Variants in TOX observed in about 807,000 individuals in gnomAD.
TOX encodes the protein thymocyte selection associated high mobility group box.
Under a neutral mutation model 53.7 loss-of-function variants are expected in TOX, and 11 were observed. The observed-to-expected ratio is 0.20, with a 90% CI of 0.13 to 0.34. The LOEUF is 0.34. TOX is among the 10% of genes least tolerant of loss of function. The pLI is 1.00. For missense variants in TOX, 570 were observed against 664.6 expected (o/e 0.86, Z 1.56); for synonymous variants, 225 against 245.3 (o/e 0.92, Z 0.77).
At chr8:59,100,629 G>A (rs533292221) in intron 1 of TOX, among the ~76,000 whole-genome samples, 1 of 152,288 alleles carries the variant, frequency 6.6e-6, no homozygotes, top group Admixed American at 6.5e-5. Context: ...GACTCTCACA[G>A]AATAAGTAGA....
chr8:58,948,496 A>G (rs192480006), intron 2 of TOX, among the ~76,000 whole-genome samples: 1 of 152,196 alleles, frequency 6.6e-6, no homozygotes, highest in African/African-American at 2.4e-5. Flanking sequence ...GGCTAAAAAA[A>G]TCCCCAAGCT....
intron 2 of TOX, among the ~76,000 whole-genome samples, chr8:58,947,279 G>GA (rs1266747305): frequency 6.6e-6 from 1 of 152,032 alleles, no homozygotes. Flanking sequence ...CTCTCATAAA[G>GA]AATTTGATGG....
intron 2 of TOX, among the ~76,000 whole-genome samples, chr8:58,959,595 G>T (rs1008489013): frequency 6.6e-6 from 1 of 152,154 alleles, no homozygotes; most frequent in Non-Finnish European, 1.5e-5. Context: ...TTTGTGACAC[G>T]TGTAGCTTAT....
At chr8:59,086,079 G>A (rs1361810550) in intron 1 of TOX, among the ~76,000 whole-genome samples, 1 of 150,100 alleles carries the variant, frequency 6.7e-6, no homozygotes, top group Non-Finnish European at 1.5e-5. Context: ...TCCGCCTGTG[G>A]GGTTCAAGTG....
chr8:59,079,268 C>A (rs1031991164), intron 1 of TOX, among the ~76,000 whole-genome samples: 3 of 152,110 alleles, frequency 2.0e-5, no homozygotes, highest in Non-Finnish European at 4.4e-5. Flanking sequence ...GCAAATATAG[C>A]AAAATTGGCA....
At chr8:58,854,570 A>G (rs749720303) in intron 3 of TOX, among the ~76,000 whole-genome samples, 17 of 152,078 alleles carry the variant, frequency 1.1e-4, no homozygotes, top group Non-Finnish European at 2.1e-4. Flanking sequence ...TAAAGTATCA[A>G]TCTGGGTAAG....
At chr8:59,059,714 G>A (rs1331549334) in intron 1 of TOX, among the ~76,000 whole-genome samples, 1 of 152,184 alleles carries the variant, frequency 6.6e-6, no homozygotes, top group Non-Finnish European at 1.5e-5. Context: ...CAAACAGTTA[G>A]TAAAATTATT....
At chr8:58,912,277 TGACA>T (rs752057254) in intron 3 of TOX, among the ~76,000 whole-genome samples, 7 of 152,242 alleles carry the variant, frequency 4.6e-5, no homozygotes, top group Non-Finnish European at 8.8e-5. Flanking sequence ...TTTTGCCCTC[TGACA>T]GGCATAAGGA....
intron 1 of TOX, among the ~76,000 whole-genome samples, chr8:59,047,389 T>C (rs1803710008): frequency 6.6e-6 from 1 of 151,096 alleles, no homozygotes; most frequent in African/African-American, 2.4e-5. Context: ...GCTAATTTTT[T>C]TTTTATTTTT....
At chr8:58,953,624 G>A (rs749241272) in intron 2 of TOX, among the ~76,000 whole-genome samples, 23 of 152,192 alleles carry the variant, frequency 1.5e-4, no homozygotes, top group Non-Finnish European at 2.8e-4. Context: ...TTACACTGAA[G>A]ACTGGTTTGA....
intron 3 of TOX, among the ~76,000 whole-genome samples, chr8:58,886,029 C>T (rs1368591670): frequency 6.6e-6 from 1 of 152,134 alleles, no homozygotes; most frequent in Non-Finnish European, 1.5e-5. Flanking sequence ...CACACTTGTA[C>T]ATCTGCCCCA....
At chr8:59,023,301 G>A (rs1465931800) in intron 1 of TOX, among the ~76,000 whole-genome samples, 1 of 33,766 alleles carries the variant, frequency 3.0e-5, no homozygotes, top group Non-Finnish European at 7.0e-5. Flanking sequence ...TTACAAGAGT[G>A]TTGCATGCAC....
At chr8:59,036,270 G>A (rs548941090) in intron 1 of TOX, among the ~76,000 whole-genome samples, 19 of 152,260 alleles carry the variant, frequency 1.2e-4, no homozygotes, top group Non-Finnish European at 2.6e-4. Flanking sequence ...AGGAAATGCA[G>A]TATCTAAAGG....
chr8:58,889,224 A>C (rs1184899000), intron 3 of TOX, among the ~76,000 whole-genome samples: 3 of 151,146 alleles, frequency 2.0e-5, no homozygotes, highest in Non-Finnish European at 4.4e-5. Context: ...AAAAAAAAAA[A>C]AAAAAAAACA....
chr8:58,952,868 A>T (rs1022175618), intron 2 of TOX, among the ~76,000 whole-genome samples: 8 of 152,196 alleles, frequency 5.3e-5, no homozygotes, highest in African/African-American at 1.7e-4. Context: ...GATACACAAC[A>T]TTTAACCCAT....
chr8:59,039,628 G>T lies in TOX; in HGVS notation c.102+79258C>A, dbSNP rs138858413. On this transcript the variant is annotated intron_variant, in intron 1 of 8. Transcript: ENST00000361421. ...TCCGACAGGATAATGTCCTTCCATT[G>T]TCCATTTTTTTCTCATTACTCTCTT... Among the ~76,000 whole-genome samples the T allele has an allele frequency of 1.1e-4, 17 of 151,898 alleles. No individual in the cohort carries two copies. In the East Asian group the frequency reaches 3.1e-3, roughly 28 times the overall value.
rs1181279724 is a variant in TOX at position 59,118,256 on chromosome 8, T to A, written c.102+630A>T. Among the ~76,000 whole-genome samples, 1 of 152,080 alleles carries A rather than the reference T, an allele frequency of 6.6e-6. No homozygotes were observed. Among genetic ancestry groups the A allele is most frequent in the Non-Finnish European group, 1.5e-5 (1 of 68,018 alleles). ...CGCGCACCCCTTAAACAGGAACTGTTCCCCAAACCTTGACCCAGCTACCCC... is the reference window on the plus strand; with the variant it reads ...CGCGCACCCCTTAAACAGGAACTGTACCCCAAACCTTGACCCAGCTACCCC... On this transcript the variant is annotated intron_variant, in intron 1 of 8. Transcript: ENST00000361421. The surrounding 1 kb of genome is among the most constrained non-coding windows in gnomAD (Gnocchi z 4.1).
intron 3 of TOX, among the ~76,000 whole-genome samples, chr8:58,884,750 G>T (rs1811438784): frequency 6.6e-6 from 1 of 151,976 alleles, no homozygotes; most frequent in African/African-American, 2.4e-5. Context: ...TTTAACTTTG[G>T]TTATTCCATA....
chr8:58,814,857 C>A (rs1810147005), intron 7 of TOX, among the ~76,000 whole-genome samples: 1 of 152,146 alleles, frequency 6.6e-6, no homozygotes, highest in Non-Finnish European at 1.5e-5. Flanking sequence ...CAGGGTTCTA[C>A]CAGATTTGGT....
Sources: gnomAD v4.1 joint callset for allele counts (sites outside exome capture counted in the v4.1 genomes callset) on GRCh38, gnomAD v4.1.1 for gene constraint, Gnocchi (gnomAD v3.1) non-coding constraint, MANE v1.5 for transcripts, NCBI Gene and HGNC (gene_info 2026-07-23, HGNC 2026-07-21) for gene names.